The following DISC1 variants were observed in gnomAD, a reference collection of about 807,000 sequenced individuals.
DISC1 encodes DISC1 scaffold protein.
Under a neutral mutation model 84.5 loss-of-function variants are expected in DISC1, and 57 were observed. The ratio of observed to expected loss-of-function variants is 0.67; its 90% CI spans 0.55 to 0.84. The LOEUF is 0.84. DISC1 is among the 40% of genes least tolerant of loss of function. The pLI is 0.00. For missense variants in DISC1, 1,000 were observed against 1,057.8 expected, an observed-to-expected ratio of 0.95 and a Z score of 0.76; for synonymous variants, 411 against 415.2, an observed-to-expected ratio of 0.99 and a Z score of 0.12.
intron 9 of DISC1, among the ~76,000 whole-genome samples, chr1:231,942,877 G>A (rs1412051570): frequency 6.6e-6 from 1 of 152,152 alleles, no homozygotes; most frequent in African/African-American, 2.4e-5. Flanking sequence ...TTATAACACA[G>A]ACTGCTGGGG....
chr1:231,715,828 GT>G (rs2068625426), intron 3 of DISC1, among the ~76,000 whole-genome samples: 1 of 152,156 alleles, frequency 6.6e-6, no homozygotes, highest in Non-Finnish European at 1.5e-5. Flanking sequence ...TTGAGGTATA[GT>G]TTCCAAACAA....
At chr1:231,789,124 A>G (rs1037234491) in intron 6 of DISC1, among the ~76,000 whole-genome samples, 1 of 152,212 alleles carries the variant, frequency 6.6e-6, no homozygotes, top group African/African-American at 2.4e-5. Context: ...ATTGGGGTGG[A>G]AGACGAGTGG....
At chr1:232,010,659 G>A (rs821622) in intron 11 of DISC1, among the ~76,000 whole-genome samples, 42,942 of 152,014 alleles carry the variant, frequency 0.28, 6,351 homozygotes, top group African/African-American at 0.32. Flanking sequence ...CATGACACAG[G>A]AGCCTGCAAA....
chr1:231,862,689 A>C lies in DISC1; in HGVS notation c.1981+44172A>C, dbSNP rs143753848. 8.2e-3 allele frequency among the ~76,000 whole-genome samples: 1,256 copies of C among 152,282 alleles called. 4 individuals are homozygous for C. Among genetic ancestry groups the C allele is most frequent in the Admixed American group, 0.011 (163 of 15,306 alleles). On this transcript the variant is annotated intron_variant, in intron 9 of 12. Coordinates refer to ENST00000439617, the MANE Select transcript of DISC1 (RefSeq NM_018662.3). Reference sequence around the variant, plus strand: ...GCCATTTATTGGGTTAATAATGGTGACTTCAGGTGACCCAGGAAACATCTG... The same window carrying C: ...GCCATTTATTGGGTTAATAATGGTGCCTTCAGGTGACCCAGGAAACATCTG...
chr1:231,912,745 CTT>C (rs1449240077), intron 9 of DISC1, among the ~76,000 whole-genome samples: 22 of 3,612 alleles, frequency 6.1e-3, no homozygotes, highest in Admixed American at 0.026. Context: ...GCTTGCTCTT[CTT>C]TCTTTCTTTC....
chr1:231,694,318 G>A lies in DISC1; in HGVS notation c.560G>A (p.Cys187Tyr), dbSNP rs1225043146. 31 of 1,614,146 alleles carry A rather than the reference G, an allele frequency of 1.9e-5. No homozygotes were observed. Among genetic ancestry groups the A allele is most frequent in the Middle Eastern group, 3.3e-4 (2 of 6,084 alleles). The change falls in exon 2 of 13, where the codon TGC (cysteine) becomes TAC (tyrosine). Residue 187 changes from cysteine to tyrosine, a missense_variant. Physicochemically the swap from Cys to Tyr is radical, Grantham distance 194 (BLOSUM62 -2). This residue lies in a region of DISC1 where 292 missense variants were observed against 280.2 expected (regional missense o/e 1.04). Coordinates refer to ENST00000439617, the MANE Select transcript of DISC1 (RefSeq NM_018662.3). The part of the protein sequence containing the change: ...LPSAELSSNS[C>Y]SPGCGPEVPP... ...TCAGCAGAGTTGAGTAGCAACAGCTGCAGCCCTGGCTGTGGCCCTGAGGTC... is the reference window on the plus strand; with the variant it reads ...TCAGCAGAGTTGAGTAGCAACAGCTACAGCCCTGGCTGTGGCCCTGAGGTC...
intron 9 of DISC1, among the ~76,000 whole-genome samples, chr1:231,938,664 C>T (rs970720659): frequency 1.3e-5 from 2 of 152,186 alleles, no homozygotes; most frequent in Admixed American, 6.5e-5. Flanking sequence ...ACCAATCATT[C>T]GTGTTGTTTT....
chr1:231,739,815 T>G, intron 3 of DISC1, among the ~76,000 whole-genome samples: 1 of 152,230 alleles, frequency 6.6e-6, no homozygotes, highest in Non-Finnish European at 1.5e-5. Context: ...AGGAACCATT[T>G]CCACATCATC....
intron 9 of DISC1, among the ~76,000 whole-genome samples, chr1:231,842,099 T>A (rs1194523664): frequency 6.6e-6 from 1 of 152,126 alleles, no homozygotes; most frequent in Non-Finnish European, 1.5e-5. Context: ...TACTGGGCTT[T>A]GATCCTCCCA....
intron 4 of DISC1, among the ~76,000 whole-genome samples, chr1:231,763,707 A>G (rs995711316): frequency 3.3e-5 from 5 of 152,212 alleles, no homozygotes; most frequent in Non-Finnish European, 7.3e-5. Flanking sequence ...AGTCTCCCCC[A>G]GCTTTAAAGT....
intron 9 of DISC1, among the ~76,000 whole-genome samples, chr1:231,884,906 G>A (rs1209984646): frequency 1.3e-5 from 2 of 152,072 alleles, no homozygotes; most frequent in Admixed American, 6.5e-5. Context: ...ATTTAGTGCT[G>A]GAATATATAA....
chr1:231,904,435 TC>T (rs1370994948), intron 9 of DISC1, among the ~76,000 whole-genome samples: 2 of 151,290 alleles, frequency 1.3e-5, no homozygotes, highest in Admixed American at 6.6e-5. Flanking sequence ...TTCTGTGGGG[TC>T]CCTTCTGAAA....
At chr1:231,980,139 C>A (rs1663384603) in intron 10 of DISC1, among the ~76,000 whole-genome samples, 1 of 152,130 alleles carries the variant, frequency 6.6e-6, no homozygotes, top group Admixed American at 6.5e-5. Flanking sequence ...CTATAGAGAA[C>A]CATTTTAATT....
At chr1:231,873,848 A>ATT (rs57512366) in intron 9 of DISC1, among the ~76,000 whole-genome samples, 74,769 of 150,260 alleles carry the variant, frequency 0.5, 18,717 homozygotes, top group African/African-American at 0.53. Flanking sequence ...ATCTTAAATA[A>ATT]TTTTTTTTTT....
intron 11 of DISC1, among the ~76,000 whole-genome samples, chr1:232,013,011 G>C (rs533889596): frequency 6.6e-6 from 1 of 152,286 alleles, no homozygotes; most frequent in East Asian, 1.9e-4. Context: ...TGTTGGCCCT[G>C]GTTCGTAGAT....
chr1:231,844,044 G>A (rs2083273068), intron 9 of DISC1, among the ~76,000 whole-genome samples: 1 of 152,212 alleles, frequency 6.6e-6, no homozygotes, highest in Non-Finnish European at 1.5e-5. Flanking sequence ...CAGAGGACAA[G>A]GAGCCACAAA....
chr1:232,037,939 A>AAC lies in DISC1; in HGVS notation c.*1110_*1111dup, dbSNP rs200410500. The AAC allele has an allele frequency of 1.4e-4, 20 of 146,820 alleles. No individual in the cohort carries two copies. The highest frequency in any genetic ancestry group is 2.2e-4 in the East Asian group (1 of 4,616). The allele number at this position is 146,820 out of a possible 1,614,324, so 9.1% of individuals were successfully genotyped here. A position where few individuals can be genotyped will look rare whatever the true frequency, so the allele number is the denominator to read the frequency against. On this transcript the variant is annotated 3_prime_UTR_variant, in exon 13 of 13. Transcript: ENST00000439617. Reference sequence around the variant, plus strand: ...TCAGTAACACAGTGCAGTACTCAGTAACAGTGCAGTACTCAGTAACAGTGC... The same window carrying AAC: ...TCAGTAACACAGTGCAGTACTCAGTAACACAGTGCAGTACTCAGTAACAGTGC...
intron 10 of DISC1, among the ~76,000 whole-genome samples, chr1:231,990,900 T>C (rs1665116025): frequency 6.6e-6 from 1 of 152,144 alleles, no homozygotes; most frequent in South Asian, 2.1e-4. Flanking sequence ...TCCCCTTCTT[T>C]GGTTTGTGGG....
At chr1:232,023,613 G>A (rs1489966000) in intron 11 of DISC1, among the ~76,000 whole-genome samples, 2 of 152,134 alleles carry the variant, frequency 1.3e-5, no homozygotes, top group African/African-American at 4.8e-5. Flanking sequence ...AAGGAAAACA[G>A]GCAGGAATTA....
Sources: allele counts gnomAD v4.1 joint callset (sites outside exome capture counted in the v4.1 genomes callset), GRCh38; gene constraint gnomAD v4.1.1; regional missense constraint gnomAD v4.1.1; transcripts MANE v1.5; gene names NCBI Gene and HGNC (gene_info 2026-07-23, HGNC 2026-07-21).